Variants in MBOAT1 observed in about 807,000 individuals in gnomAD.
The protein encoded by MBOAT1 is membrane-bound glycerophospholipid O-acyltransferase 1.
MBOAT1 carries 67 observed loss-of-function variants against 64.4 expected under a neutral mutation model. The observed-to-expected ratio is 1.04, with a 90% CI of 0.85 to 1.27. The LOEUF (loss-of-function observed/expected upper bound fraction) is 1.27. Among genes scored for constraint, MBOAT1 ranks in the 50% most tolerant of loss-of-function variants. MBOAT1 has a pLI of 0.00. For synonymous variants in MBOAT1, 229 were observed against 218.9 expected (o/e 1.05, Z -0.41); for missense variants, 563 against 604.6 (o/e 0.93, Z 0.72).
chr6:20,161,689 G>A (rs1401575379), intron 1 of MBOAT1, among the ~76,000 whole-genome samples: 1 of 152,164 alleles, frequency 6.6e-6, no homozygotes, highest in African/African-American at 2.4e-5. Flanking sequence ...TAAGTGCATG[G>A]AGCAAGTCAC....
rs879470673 is a variant in MBOAT1 at position 20,100,824 on chromosome 6, TTTA to T, written c.*1459_*1461del. Among the ~76,000 whole-genome samples the T allele has an allele frequency of 2.0e-5, 3 of 150,234 alleles. No individual in the cohort carries two copies. Among genetic ancestry groups the T allele is most frequent in the Admixed American group, 6.6e-5 (1 of 15,214 alleles). On this transcript the variant is annotated 3_prime_UTR_variant, in exon 13 of 13. Transcript: ENST00000324607. The stretch of plus-strand genomic sequence containing the variant: ...GGCAGTACACCATTGCAGCATATAC[TTTA>T]TTATTATCATCATTATTATTTTCCA...
At chr6:20,183,669 C>G (rs974675398) in intron 1 of MBOAT1, among the ~76,000 whole-genome samples, 17 of 152,238 alleles carry the variant, frequency 1.1e-4, no homozygotes, top group African/African-American at 3.4e-4. Context: ...AAGAACAGTA[C>G]CCAGAACAGT....
chr6:20,142,844 A>G (rs775148002), intron 4 of MBOAT1, among the ~76,000 whole-genome samples: 45 of 152,238 alleles, frequency 3.0e-4, no homozygotes, highest in Non-Finnish European at 5.4e-4. Context: ...CCACTGGAAG[A>G]AAAACAGGTA....
chr6:20,177,377 A>G (rs995625160), intron 1 of MBOAT1, among the ~76,000 whole-genome samples: 4 of 152,168 alleles, frequency 2.6e-5, no homozygotes, highest in Admixed American at 1.3e-4. Flanking sequence ...TATTTTTTGT[A>G]GAGACGCAGT....
Position 20,102,268 on chromosome 6 carries a change from C to A in MBOAT1, c.*18G>T. ...CGAACGTTCTGCAGTTTTGCTTGTTCCGCTTCTCTTGGAGGTATCAATCTG... is the reference window on the plus strand; with the variant it reads ...CGAACGTTCTGCAGTTTTGCTTGTTACGCTTCTCTTGGAGGTATCAATCTG... On this transcript the variant is annotated 3_prime_UTR_variant, in exon 13 of 13. Transcript: ENST00000324607. 6.2e-7 allele frequency: 1 copy of A among 1,610,050 alleles called. No homozygotes were observed. The highest frequency in any genetic ancestry group is 1.1e-5 in the South Asian group (1 of 89,938).
intron 9 of MBOAT1, among the ~76,000 whole-genome samples, chr6:20,116,659 C>CT (rs1379687973): frequency 6.6e-6 from 1 of 152,212 alleles, no homozygotes; most frequent in Non-Finnish European, 1.5e-5. Flanking sequence ...CTCAGGGTGT[C>CT]TTAAACCAAT....
intron 1 of MBOAT1, among the ~76,000 whole-genome samples, chr6:20,191,175 AG>A (rs1462943662): frequency 1.3e-5 from 2 of 152,208 alleles, no homozygotes; most frequent in Non-Finnish European, 1.5e-5. Flanking sequence ...TCTCGAAAAC[AG>A]GTTGCTATAA....
intron 1 of MBOAT1, among the ~76,000 whole-genome samples, chr6:20,156,084 C>T (rs951911837): frequency 1.6e-4 from 24 of 151,952 alleles, no homozygotes; most frequent in Admixed American, 1.5e-3. Context: ...CTGGCTAACA[C>T]GGTGAAACCC....
intron 1 of MBOAT1, 133 bp downstream of exon 1, chr6:20,211,988 ACACACACACACACAC>A (rs1763438750): frequency 1.4e-5 from 9 of 637,656 alleles, no homozygotes; most frequent in Non-Finnish European, 2.5e-5. Flanking sequence ...ACACACACAC[ACACACACACACACAC>A]AAAAACCAAC....
At chr6:20,128,406 G>T (rs1196834076) in intron 6 of MBOAT1, among the ~76,000 whole-genome samples, 1 of 151,634 alleles carries the variant, frequency 6.6e-6, no homozygotes, top group African/African-American at 2.4e-5. Flanking sequence ...GGACAGCCTC[G>T]CAGAGGTACA....
At position 20,124,593 on chromosome 6, in the gene MBOAT1, AC is replaced by A. The variant is rs751235615; in HGVS notation, c.721del (p.Val241Ter). The A allele has an allele frequency of 6.2e-7, 1 of 1,613,952 alleles. No homozygotes were observed. The highest frequency in any genetic ancestry group is 8.5e-7 in the Non-Finnish European group (1 of 1,179,872). ...SLPEPSPTGA[V>X]IHKLGITLVS... ...CAAGGTGATGCCCAACTTGTGTATC[AC>A]AGCTCCCTGAAAATGGGGAAAAATC... is the stretch of plus-strand genomic sequence containing the variant. On this transcript the variant is annotated frameshift_variant, in exon 8 of 13. Transcript: ENST00000324607. LOFTEE classifies it high-confidence loss of function.
intron 3 of MBOAT1, among the ~76,000 whole-genome samples, chr6:20,150,518 G>A (rs925134064): frequency 6.0e-5 from 9 of 150,584 alleles, no homozygotes; most frequent in Admixed American, 1.3e-4. Context: ...ATTTATCCAC[G>A]ACATTGAGTA....
chr6:20,104,614 T>G (rs1759896942), intron 12 of MBOAT1, among the ~76,000 whole-genome samples: 1 of 152,232 alleles, frequency 6.6e-6, no homozygotes, highest in Non-Finnish European at 1.5e-5. Flanking sequence ...CAACTTATAC[T>G]TTCCCTAATG....
intron 1 of MBOAT1, among the ~76,000 whole-genome samples, chr6:20,182,847 G>A (rs1044348811): frequency 2.0e-5 from 3 of 152,184 alleles, no homozygotes; most frequent in African/African-American, 4.8e-5. Context: ...TGACACCTGT[G>A]TGTGTTTTCC....
At chr6:20,152,355 AAATAAATAAATT>A (rs1561765727) in intron 2 of MBOAT1, among the ~76,000 whole-genome samples, 8 of 123,758 alleles carry the variant, frequency 6.5e-5, no homozygotes, top group African/African-American at 2.4e-4. Context: ...ATAAATAAAT[AAATAAATAAATT>A]AATTAATTAA....
At chr6:20,152,583 T>A (rs765543659) in intron 2 of MBOAT1, 41 bp downstream of exon 2, 1 of 1,571,032 alleles carries the variant, frequency 6.4e-7, no homozygotes, top group African/African-American at 1.4e-5. Context: ...CCACAAAACA[T>A]CCAAATGACC....
intron 4 of MBOAT1, among the ~76,000 whole-genome samples, chr6:20,141,947 C>G (rs140661556): frequency 6.6e-6 from 1 of 152,174 alleles, no homozygotes. Flanking sequence ...TGTGCTCTTG[C>G]AAAGCCCTCC....
intron 5 of MBOAT1, among the ~76,000 whole-genome samples, chr6:20,130,505 C>T (rs544628614): frequency 9.2e-5 from 14 of 152,194 alleles, no homozygotes; most frequent in African/African-American, 3.4e-4. Flanking sequence ...AGGCATGTGC[C>T]ACCACGCCTA....
chr6:20,118,731 T>G (rs1347239077), intron 8 of MBOAT1, among the ~76,000 whole-genome samples, 191 bp from the exon 9 acceptor site: 1 of 152,246 alleles, frequency 6.6e-6, no homozygotes, highest in Admixed American at 6.5e-5. Context: ...TTGGTAACCT[T>G]GATTTTTATG....
Sources: allele counts gnomAD v4.1 joint callset (sites outside exome capture counted in the v4.1 genomes callset), GRCh38; gene constraint gnomAD v4.1.1; transcripts MANE v1.5; gene names NCBI Gene and HGNC (gene_info 2026-07-23, HGNC 2026-07-21).